Variants in ENO4 observed in about 807,000 individuals in gnomAD.
The protein encoded by ENO4 is 2-phospho-D-glycerate hydro-lyase.
In ENO4, 53 loss-of-function variants were observed where a neutral mutation model predicts 63.2. That is an observed-to-expected ratio of 0.84 (90% confidence interval 0.67 to 1.05). ENO4 has a LOEUF of 1.05. Among genes scored for constraint, ENO4 ranks in the 50% least tolerant of loss-of-function variants. ENO4 has a pLI of 0.00. For synonymous variants in ENO4, 266 were observed against 283.8 expected, an observed-to-expected ratio of 0.94 and a Z score of 0.63; for missense variants, 719 against 772.0, an observed-to-expected ratio of 0.93 and a Z score of 0.81.
Position 116,861,919 on chromosome 10 carries a change from T to C in ENO4, c.936+729T>C, listed in dbSNP as rs374258165. On this transcript the variant is annotated intron_variant, in intron 6 of 13. Coordinates refer to ENST00000341276, the MANE Select transcript of ENO4 (RefSeq NM_001242699.2). Reference sequence around the variant, plus strand: ...TTACAGTTTATCAGTTGCAGAAGAATACTATTTATATCTGGCTTATCATCT... The same window carrying C: ...TTACAGTTTATCAGTTGCAGAAGAACACTATTTATATCTGGCTTATCATCT... Among the ~76,000 whole-genome samples the C allele has an allele frequency of 1.3e-3, 205 of 152,306 alleles. 1 individual carries two copies. Among genetic ancestry groups the C allele is most frequent in the South Asian group, 8.7e-3 (42 of 4,826 alleles).
chr10:116,897,674 C>T (rs1029978150), intron 10 of ENO4, among the ~76,000 whole-genome samples: 1 of 152,126 alleles, frequency 6.6e-6, no homozygotes, highest in African/African-American at 2.4e-5. Context: ...ACATGACAGT[C>T]CTACAGGGCA....
Position 116,859,112 on chromosome 10 carries a change from C to G in ENO4, c.608C>G (p.Pro203Arg), listed in dbSNP as rs1435539700. ...CCACCACCACCACCCCCTCCACCTCCTACCAAAAAAAAGGGGCAAAAGCCA... is the reference window on the plus strand; with the variant it reads ...CCACCACCACCACCCCCTCCACCTCGTACCAAAAAAAAGGGGCAAAAGCCA... The part of the protein sequence containing the change: ...PVPPPPPPPP[P>R]TKKKGQKPGR... The change falls in exon 4 of 14, where the codon CCT (proline) becomes CGT (arginine). Residue 203 changes from proline (P) to arginine (R), a missense_variant. Pro to Arg is a moderately radical substitution (Grantham distance 103, BLOSUM62 -2). Around this residue, in one of 3 missense-constraint regions of ENO4, gnomAD observed 544 missense variants for 583.6 expected, o/e 0.93. Transcript: ENST00000341276. 1 of 1,529,424 alleles carries G rather than the reference C, an allele frequency of 6.5e-7. No homozygotes were observed. Among genetic ancestry groups the G allele is most frequent in the Non-Finnish European group, 8.7e-7 (1 of 1,144,452 alleles). 94.7% of individuals were successfully genotyped at this position (1,529,424 alleles called of 1,614,324 possible). A position where few individuals can be genotyped will look rare whatever the true frequency, so the allele number is the denominator to read the frequency against.
intron 3 of ENO4, among the ~76,000 whole-genome samples, chr10:116,858,504 G>T (rs1395038494): frequency 2.0e-5 from 3 of 151,900 alleles, no homozygotes; most frequent in Non-Finnish European, 2.9e-5. Context: ...TTATTTTGGG[G>T]TGCTGAAATT....
Position 116,899,506 on chromosome 10 carries a change from G to GGTGTGTGTGT in ENO4, c.1195-11961_1195-11952dup, listed in dbSNP as rs370396879. On this transcript the variant is annotated intron_variant, in intron 10 of 10. Coordinates refer to the ENO4 transcript ENST00000369207. ...AAGGGAAGTTAGAGTGGCTGGGGCT[G>GGTGTGTGTGT]GTGTGTGTGTGTGTGTGTGTGTGTG... 5.4e-3 allele frequency among the ~76,000 whole-genome samples: 671 copies of GGTGTGTGTGT among 124,554 alleles called. 7 individuals carry two copies. Among genetic ancestry groups the GGTGTGTGTGT allele is most frequent in the African/African-American group, 0.017 (565 of 34,162 alleles). The allele number at this position is 124,554 out of a possible 152,430, so 81.7% of individuals were successfully genotyped here.
intron 10 of ENO4, among the ~76,000 whole-genome samples, chr10:116,907,289 A>C (rs1454822753): frequency 6.6e-6 from 1 of 152,212 alleles, no homozygotes; most frequent in Non-Finnish European, 1.5e-5. Context: ...GAAGGGCTGC[A>C]CTGAGCACAT....
chr10:116,910,479 T>C (rs1848147917), intron 10 of ENO4, among the ~76,000 whole-genome samples: 1 of 152,224 alleles, frequency 6.6e-6, no homozygotes, highest in Non-Finnish European at 1.5e-5. Flanking sequence ...AGAGTAATGC[T>C]GTAATTCAGT....
intron 1 of ENO4, among the ~76,000 whole-genome samples, chr10:116,854,965 A>AAAAAAAAG (rs1846216364): frequency 6.7e-6 from 1 of 148,656 alleles, no homozygotes; most frequent in African/African-American, 2.5e-5. Context: ...AAAAAAAAAA[A>AAAAAAAAG]AAAGAAAGAA....
rs1430668040 is a variant in ENO4 at position 116,849,734 on chromosome 10, A to T, written c.165+3A>T. ...CTGCCGACGTCTACGGGCACCTGGT[A>T]GGGACCTGGGACAAGCGCTCTCCTC... On this transcript the variant is annotated splice_donor_region_variant and intron_variant, in intron 1 of 13. Coordinates refer to ENST00000341276, the MANE Select transcript of ENO4 (RefSeq NM_001242699.2). The T allele has an allele frequency of 6.6e-7, 1 of 1,516,576 alleles. No homozygotes were observed. The highest frequency in any genetic ancestry group is 8.9e-7 in the Non-Finnish European group (1 of 1,129,508). 93.9% of individuals were successfully genotyped at this position (1,516,576 alleles called of 1,614,324 possible). A position where few individuals can be genotyped will look rare whatever the true frequency, so the allele number is the denominator to read the frequency against.
intron 10 of ENO4, among the ~76,000 whole-genome samples, chr10:116,899,707 C>A (rs1239946702): frequency 6.6e-6 from 1 of 152,130 alleles, no homozygotes; most frequent in Admixed American, 6.5e-5. Flanking sequence ...GAAGTGTTAA[C>A]TACTAGAATG....
At chr10:116,851,558 G>T (rs1039103170) in intron 1 of ENO4, among the ~76,000 whole-genome samples, 1 of 152,162 alleles carries the variant, frequency 6.6e-6, no homozygotes, top group African/African-American at 2.4e-5. Flanking sequence ...AGTTTTGGCC[G>T]TGCTTACTCT....
At chr10:116,861,234 AAAATATATATAT>A in intron 6 of ENO4, 44 bp downstream of exon 6, 2 of 403,932 alleles carry the variant, frequency 5.0e-6, no homozygotes, top group Non-Finnish European at 7.3e-6. Flanking sequence ...AAAAAAAAAA[AAAATATATATAT>A]ATATATATAT....
intron 10 of ENO4, among the ~76,000 whole-genome samples, chr10:116,909,771 A>G (rs973806810): frequency 6.6e-6 from 1 of 152,302 alleles, no homozygotes; most frequent in East Asian, 1.9e-4. Flanking sequence ...GCAGAAGGCC[A>G]AATCACTAAG....
intron 4 of ENO4, among the ~76,000 whole-genome samples, chr10:116,859,644 C>T (rs563866903): frequency 3.9e-5 from 6 of 152,182 alleles, no homozygotes; most frequent in Non-Finnish European, 8.8e-5. Flanking sequence ...CTAACCTCAG[C>T]CCCTGCAGTA....
Position 116,879,299 on chromosome 10 carries a change from C to CACATCACTGTCTTTGGAAGT in ENO4, c.1550_1569dup (p.Glu524SerfsTer39). ...AGAAATTCCTCTTCCAGGTAAGAAG[C>CACATCACTGTCTTTGGAAGT]ACATCACTGTCTTTGGAAGTACAGA... On this transcript the variant is annotated frameshift_variant, in exon 12 of 14. Coordinates refer to ENST00000341276, the MANE Select transcript of ENO4 (RefSeq NM_001242699.2). LOFTEE classifies it high-confidence loss of function. The CACATCACTGTCTTTGGAAGT allele has an allele frequency of 6.5e-7, 1 of 1,549,818 alleles. No individual in the cohort carries two copies. Among genetic ancestry groups the CACATCACTGTCTTTGGAAGT allele is most frequent in the Non-Finnish European group, 8.7e-7 (1 of 1,146,284 alleles).
chr10:116,878,190 A>C, intron 11 of ENO4, among the ~76,000 whole-genome samples: 1 of 152,194 alleles, frequency 6.6e-6, no homozygotes, highest in East Asian at 1.9e-4. Flanking sequence ...TTGTACACTT[A>C]TGCAGAGGAC....
In ENO4 at chr10:116,900,392, T is replaced by C. The variant is rs147347980; in HGVS notation, c.1195-11107T>C. The C allele has an allele frequency of 8.7e-4, 616 of 708,526 alleles. 12 individuals carry two copies. In the East Asian group the frequency reaches 0.016, roughly 19 times the overall value. The allele number at this position is 708,526 out of a possible 1,614,324, so 43.9% of individuals were successfully genotyped here. A position where few individuals can be genotyped will look rare whatever the true frequency, so the allele number is the denominator to read the frequency against. On this transcript the variant is annotated intron_variant, in intron 10 of 10. Coordinates refer to the ENO4 transcript ENST00000369207. ...CTGTGTCTGTCAACACATGGATCCT[T>C]TTCACTGTCAATTCAACACATATTT...
intron 10 of ENO4, among the ~76,000 whole-genome samples, chr10:116,889,784 T>G (rs1365736852): frequency 6.6e-6 from 1 of 152,232 alleles, no homozygotes; most frequent in Non-Finnish European, 1.5e-5. Flanking sequence ...CGAATCCGTT[T>G]CCATCTCCAT....
intron 10 of ENO4, among the ~76,000 whole-genome samples, chr10:116,889,983 T>C (rs867981419): frequency 2.6e-5 from 4 of 152,086 alleles, no homozygotes; most frequent in Admixed American, 6.5e-5. Context: ...CCTTCATTCC[T>C]ATCGTATGGG....
Position 116,876,349 on chromosome 10 carries a change from C to T in ENO4, c.1537+89C>T, listed in dbSNP as rs937421321. ...ACAGCATATCAAAGTTACTAAAAAG[C>T]ATGGGAGAAATCTTGGAAGAAAAGA... On this transcript the variant is annotated intron_variant, in intron 11 of 13. Transcript: ENST00000341276. 41 of 1,050,194 alleles carry T rather than the reference C, an allele frequency of 3.9e-5. No individual in the cohort carries two copies. The African/African-American group carries it at 6.4e-4, about 16-fold the overall frequency. The allele number at this position is 1,050,194 out of a possible 1,614,324, so 65.1% of individuals were successfully genotyped here. A position where few individuals can be genotyped will look rare whatever the true frequency, so the allele number is the denominator to read the frequency against.
Sources: allele counts gnomAD v4.1 joint callset (sites outside exome capture counted in the v4.1 genomes callset), GRCh38; gene constraint gnomAD v4.1.1; regional missense constraint gnomAD v4.1.1; transcripts MANE v1.5; gene names NCBI Gene and HGNC (gene_info 2026-07-23, HGNC 2026-07-21).